The following C4BPA variants were observed in gnomAD, a reference collection of about 807,000 sequenced individuals.
C4BPA encodes the protein complement component 4 binding protein alpha, also known as C4b-binding protein alpha chain.
Under a neutral mutation model 63.7 loss-of-function variants are expected in C4BPA, and 31 were observed. The observed-to-expected ratio is 0.49, with a 90% confidence interval of 0.37 to 0.66. The LOEUF is 0.66. Ranked by LOEUF, C4BPA falls within the 30% of genes least tolerant of loss-of-function variation. C4BPA has a pLI of 0.00. For missense variants in C4BPA, 572 were observed against 723.3 expected (o/e 0.79, Z 2.40); for synonymous variants, 259 against 254.7 (o/e 1.02, Z -0.16).
intron 4 of C4BPA, 133 bp downstream of exon 4, chr1:207,115,648 T>C (rs1684770936): frequency 1.0e-5 from 5 of 497,778 alleles, no homozygotes; most frequent in Non-Finnish European, 1.7e-5. Context: ...CCTATCTCCA[T>C]ACACCACATT....
chr1:207,131,706 A>G lies in C4BPA; in HGVS notation c.1050A>G (p.Lys350=), dbSNP rs376265219. Residue 350 remains lysine, a synonymous_variant, in exon 8 of 12, where the codon AAA becomes AAG. Coordinates refer to ENST00000367070, the MANE Select transcript of C4BPA (RefSeq NM_000715.4). Reference sequence around the variant, plus strand: ...AGCCTACGACTGTGATTTGTCAGAAAAATTTGAGATGGACCCCATACCAAG... The same window carrying G: ...AGCCTACGACTGTGATTTGTCAGAAGAATTTGAGATGGACCCCATACCAAG... The part of the protein sequence containing the change: ...TDEPTTVICQ[K]NLRWTPYQGC... The G allele has an allele frequency of 2.0e-5, 32 of 1,613,420 alleles. No individual in the cohort carries two copies. The highest frequency in any genetic ancestry group is 2.7e-5 in the Non-Finnish European group (32 of 1,179,824).
Position 207,134,443 on chromosome 1 carries a change from T to A in C4BPA, c.1124T>A (p.Ile375Asn), listed in dbSNP as rs1685235473. The change falls in exon 9 of 12, where the codon ATC becomes AAC. Residue 375 changes from isoleucine (I) to asparagine (N), a missense_variant. Physicochemically the swap from Ile to Asn is moderately radical, Grantham distance 149 (BLOSUM62 -3). Around this residue, in one of 2 missense-constraint regions of C4BPA, gnomAD observed 465 missense variants for 629.4 expected, o/e 0.74. Coordinates refer to ENST00000367070, the MANE Select transcript of C4BPA (RefSeq NM_000715.4). ...GAACCAAAGCTAAATAATGGTGAAA[T>A]CACTCAACACAGGAAAAGTCGTCCT... is the stretch of plus-strand genomic sequence containing the variant. ...CPEPKLNNGE[I>N]TQHRKSRPAN... 1 of 1,613,858 alleles carries A rather than the reference T, an allele frequency of 6.2e-7. No individual in the cohort carries two copies.
chr1:207,131,530 C>T lies in C4BPA; in HGVS notation c.890-16C>T, dbSNP rs2102350213. On this transcript the variant is annotated splice_polypyrimidine_tract_variant and intron_variant, in intron 7 of 11. Coordinates refer to ENST00000367070, the MANE Select transcript of C4BPA (RefSeq NM_000715.4). The stretch of plus-strand genomic sequence containing the variant: ...ATAGCGTCCTTTTGTTCTTCTTCTT[C>T]TTCTTTCATGAGTAGATAGTTGTAT... 2 of 1,575,886 alleles carry T rather than the reference C, an allele frequency of 1.3e-6. No homozygotes were observed. The highest frequency in any genetic ancestry group is 2.2e-5 in the South Asian group (2 of 89,350).
rs144140243 is a variant in C4BPA at position 207,132,338 on chromosome 1, C to T, written c.1084+598C>T. ...TTGTGGAAATGAGTGAGGGACTGAA[C>T]GACAAGTGGATACTATATTATGAGC... On this transcript the variant is annotated intron_variant, in intron 8 of 11. Transcript: ENST00000367070. Among the ~76,000 whole-genome samples the T allele has an allele frequency of 4.6e-5, 7 of 152,244 alleles. No homozygotes were observed. The East Asian group carries it at 5.8e-4, about 13-fold the overall frequency.
At chr1:207,132,238 C>G (rs1685175308) in intron 8 of C4BPA, among the ~76,000 whole-genome samples, 1 of 152,178 alleles carries the variant, frequency 6.6e-6, no homozygotes, top group African/African-American at 2.4e-5. Flanking sequence ...TGACTCGTGA[C>G]TGAGCATTCT....
At chr1:207,141,029 C>A in intron 9 of C4BPA, 77 bp from the exon 10 acceptor site, 1 of 1,162,466 alleles carries the variant, frequency 8.6e-7, no homozygotes, top group Non-Finnish European at 1.2e-6. Flanking sequence ...CTCCTACAAA[C>A]TACATGTATT....
At chr1:207,107,240 T>G (rs1010376609) in intron 1 of C4BPA, among the ~76,000 whole-genome samples, 1 of 152,164 alleles carries the variant, frequency 6.6e-6, no homozygotes, top group Non-Finnish European at 1.5e-5. Flanking sequence ...CTGCAAATGC[T>G]TGCAGGTGTT....
Position 207,143,997 on chromosome 1 carries a change from A to C in C4BPA, c.1620+4A>C. ...AGAGGTGCCCAAGTGTGAGTGGGTA[A>C]GTGGCACAATTCAAGGAAGTTCTGT... On this transcript the variant is annotated splice_donor_region_variant and intron_variant, in intron 11 of 11. Coordinates refer to ENST00000367070, the MANE Select transcript of C4BPA (RefSeq NM_000715.4). 2 of 1,564,710 alleles carry C rather than the reference A, an allele frequency of 1.3e-6. No homozygotes were observed. The highest frequency in any genetic ancestry group is 1.7e-6 in the Non-Finnish European group (2 of 1,158,776).
At chr1:207,129,939 ATAATAC>A (rs1685126498) in intron 7 of C4BPA, among the ~76,000 whole-genome samples, 1 of 152,146 alleles carries the variant, frequency 6.6e-6, no homozygotes, top group Non-Finnish European at 1.5e-5. Flanking sequence ...TTTCTGTACT[ATAATAC>A]AGCTTTGTTC....
chr1:207,138,922 AT>A (rs1220251805), intron 9 of C4BPA, among the ~76,000 whole-genome samples: 1 of 151,966 alleles, frequency 6.6e-6, no homozygotes, highest in East Asian at 1.9e-4. Flanking sequence ...TTTTTATTGT[AT>A]TTTTTTACTT....
intron 6 of C4BPA, among the ~76,000 whole-genome samples, chr1:207,126,274 T>C (rs955930538): frequency 6.8e-6 from 1 of 147,976 alleles, no homozygotes; most frequent in Admixed American, 6.8e-5. Flanking sequence ...ATATATATTA[T>C]ATCAAATATA....
chr1:207,116,514 ATATGTGTG>A (rs1446039356), intron 4 of C4BPA, among the ~76,000 whole-genome samples: 4 of 33,776 alleles, frequency 1.2e-4, no homozygotes, highest in African/African-American at 3.3e-4. Context: ...GTGTGTGTGT[ATATGTGTG>A]TGTGTGTGTG....
In C4BPA at chr1:207,132,140, C is replaced by T. The variant is rs115143441; in HGVS notation, c.1084+400C>T. On this transcript the variant is annotated intron_variant, in intron 8 of 11. Transcript: ENST00000367070. ...GACAAGTTTGTGAAACAGTCATGAG[C>T]GTAACCAGCTGCAGGGTGACTTGTG... 9.2e-5 allele frequency among the ~76,000 whole-genome samples: 14 copies of T among 152,246 alleles called. No homozygotes were observed. The East Asian group carries it at 1.7e-3, about 19-fold the overall frequency.
In C4BPA at chr1:207,114,109, G is replaced by A. The variant is rs1177197334; in HGVS notation, c.152G>A (p.Gly51Asp). 1.9e-6 allele frequency: 3 copies of A among 1,611,026 alleles called. No homozygotes were observed. Among genetic ancestry groups the A allele is most frequent in the East Asian group, 4.5e-5 (2 of 44,782 alleles). Residue 51 changes from glycine to aspartate, a missense_variant, in exon 3 of 12, where the codon GGT (glycine) becomes GAT (aspartate). Coordinates refer to ENST00000367070, the MANE Select transcript of C4BPA (RefSeq NM_000715.4). Reference protein sequence around the residue: ...ALLPAVLGNCGPPPTLSFAAP... With the variant: ...ALLPAVLGNCDPPPTLSFAAP... ...TCATTTTGGTGTCCAGGCAATTGTG[G>A]TCCTCCACCCACTTTATCATTTGCT...
At chr1:207,124,482 C>T (rs961985000) in intron 6 of C4BPA, 116 bp downstream of exon 6, 13 of 732,970 alleles carry the variant, frequency 1.8e-5, no homozygotes, top group Non-Finnish European at 2.9e-5. Context: ...CTAACTATCG[C>T]TCTGATGCAA....
In C4BPA at chr1:207,144,760, C is replaced by A; in HGVS notation, c.*43C>A. On this transcript the variant is annotated 3_prime_UTR_variant, in exon 12 of 12. Coordinates refer to ENST00000367070, the MANE Select transcript of C4BPA (RefSeq NM_000715.4). Reference sequence around the variant, plus strand: ...AGGAAAAGGTGTCTTGCTGGCTTGCCTCTTGCAATTCAATACAGATCAGTT... The same window carrying A: ...AGGAAAAGGTGTCTTGCTGGCTTGCATCTTGCAATTCAATACAGATCAGTT... 6.9e-7 allele frequency: 1 copy of A among 1,441,078 alleles called. No homozygotes were observed. The highest frequency in any genetic ancestry group is 9.5e-7 in the Non-Finnish European group (1 of 1,052,816). The allele number at this position is 1,441,078 out of a possible 1,614,324, so 89.3% of individuals were successfully genotyped here.
At chr1:207,120,843 C>T (rs1053957724) in intron 4 of C4BPA, among the ~76,000 whole-genome samples, 39 of 152,220 alleles carry the variant, frequency 2.6e-4, no homozygotes, top group African/African-American at 8.9e-4. Flanking sequence ...AGTTCTCCCT[C>T]TATCACACAG....
At chr1:207,132,897 C>T (rs1685192181) in intron 8 of C4BPA, among the ~76,000 whole-genome samples, 1 of 152,160 alleles carries the variant, frequency 6.6e-6, no homozygotes. Flanking sequence ...TGGTGGCACA[C>T]GTCTGTAATC....
At position 207,106,586 on chromosome 1, in the gene C4BPA, C is replaced by T. The variant is rs376879249; in HGVS notation, c.-26+2156C>T. ...CCTCCCGAGTAGCTGGGACTACAGG[C>T]GCCCGCCACCACGCCCAGCTAATTT... is the stretch of plus-strand genomic sequence containing the variant. On this transcript the variant is annotated intron_variant, in intron 1 of 11. Coordinates refer to ENST00000367070, the MANE Select transcript of C4BPA (RefSeq NM_000715.4). 7.2e-5 allele frequency among the ~76,000 whole-genome samples: 11 copies of T among 152,088 alleles called. No homozygotes were observed. In the South Asian group the frequency reaches 1.7e-3, roughly 23 times the overall value.
Sources: gnomAD v4.1 joint callset for allele counts (sites outside exome capture counted in the v4.1 genomes callset) on GRCh38, gnomAD v4.1.1 for gene constraint, gnomAD v4.1.1 regional missense constraint, MANE v1.5 for transcripts, NCBI Gene and HGNC (gene_info 2026-07-23, HGNC 2026-07-21) for gene names.